DDAH1: variants seen among roughly 807,000 people sequenced by gnomAD.
DDAH1 encodes dimethylarginine dimethylaminohydrolase 1.
DDAH1 carries 19 observed loss-of-function variants against 28.8 expected under a neutral mutation model. That is an observed-to-expected ratio of 0.66 (90% CI 0.46 to 0.97). DDAH1 has a LOEUF of 0.97. Among genes scored for constraint, DDAH1 ranks in the 50% least tolerant of loss-of-function variants. The pLI is 0.00. For synonymous variants in DDAH1, 153 were observed against 154.4 expected (o/e 0.99, Z 0.07); for missense variants, 326 against 375.9 (o/e 0.87, Z 1.10).
rs528701077 is a variant in DDAH1, at chr1:85,532,719, C to T, written c.-122-36438G>A. Among the ~76,000 whole-genome samples, 28 of 152,206 alleles carry T rather than the reference C, an allele frequency of 1.8e-4. No homozygotes were observed. The South Asian group carries it at 2.1e-3, about 11-fold the overall frequency. ...TCCCTCTTTTAAGTGTCTTCTGCCA[C>T]TTTAGATGCTAACTCTGGGGTTCAC... On this transcript the variant is annotated intron_variant, in intron 1 of 6. Transcript: ENST00000426972.
chr1:85,517,696 A>G (rs1657519083), intron 1 of DDAH1, among the ~76,000 whole-genome samples: 6 of 152,080 alleles, frequency 3.9e-5, no homozygotes, highest in Admixed American at 3.9e-4. Context: ...TCACAAATAA[A>G]TATCTACACA....
intron 2 of DDAH1, among the ~76,000 whole-genome samples, chr1:85,492,796 A>G (rs1570605732): frequency 6.6e-6 from 1 of 152,306 alleles, no homozygotes; most frequent in East Asian, 1.9e-4. Context: ...ATTTTGTAGT[A>G]AAACCCTTAT....
chr1:85,332,694 C>T (rs1316580127), intron 4 of DDAH1, among the ~76,000 whole-genome samples: 5 of 152,188 alleles, frequency 3.3e-5, no homozygotes, highest in Non-Finnish European at 7.3e-5. Context: ...ATATGCATGC[C>T]ATCAGGGGGC....
chr1:85,431,658 C>A (rs1653694218), intron 1 of DDAH1, among the ~76,000 whole-genome samples: 1 of 152,086 alleles, frequency 6.6e-6, no homozygotes, highest in Admixed American at 6.6e-5. Context: ...CTTCCACATG[C>A]CTTCCCTTGT....
intron 1 of DDAH1, among the ~76,000 whole-genome samples, chr1:85,536,037 G>T (rs190560497): frequency 1.2e-4 from 19 of 152,104 alleles, no homozygotes; most frequent in Non-Finnish European, 1.9e-4. Context: ...AAGTTGGGCG[G>T]ATCACCTGAG....
At chr1:85,551,715 G>C (rs1658797750) in intron 1 of DDAH1, among the ~76,000 whole-genome samples, 1 of 152,218 alleles carries the variant, frequency 6.6e-6, no homozygotes, top group South Asian at 2.1e-4. Context: ...TGACAGAAGA[G>C]AGAACATCTT....
intron 1 of DDAH1, among the ~76,000 whole-genome samples, chr1:85,462,882 G>T (rs1655188657): frequency 6.6e-6 from 1 of 152,222 alleles, no homozygotes; most frequent in Non-Finnish European, 1.5e-5. Flanking sequence ...GTGTATAGCT[G>T]ACTTCTTATT....
chr1:85,559,259 G>A (rs1387831445), intron 1 of DDAH1, among the ~76,000 whole-genome samples: 4 of 152,158 alleles, frequency 2.6e-5, no homozygotes, highest in African/African-American at 7.2e-5. Context: ...TCACATCTTA[G>A]TAGTAGGACT....
chr1:85,396,124 T>G (rs1208675044), intron 1 of DDAH1, among the ~76,000 whole-genome samples: 1 of 152,170 alleles, frequency 6.6e-6, no homozygotes, highest in Non-Finnish European at 1.5e-5. Context: ...ATTCAAACAC[T>G]TGATCAAAAA....
chr1:85,347,478 A>G (rs1288923513), intron 4 of DDAH1, among the ~76,000 whole-genome samples: 1 of 152,196 alleles, frequency 6.6e-6, no homozygotes, highest in Non-Finnish European at 1.5e-5. Context: ...GACATGGATG[A>G]AGCTGGAAAC....
chr1:85,465,247 C>G (rs1199038618), upstream of DDAH1: 8 of 1,086,110 alleles, frequency 7.4e-6, no homozygotes, highest in Non-Finnish European at 7.8e-6. Context: ...GCGCGCATCC[C>G]GCGCGCCCAC....
intron 5 of DDAH1, among the ~76,000 whole-genome samples, chr1:85,324,179 G>C (rs1413284786): frequency 6.6e-6 from 1 of 151,742 alleles, no homozygotes; most frequent in African/African-American, 2.4e-5. Context: ...GCTGAGGTGG[G>C]AGGATCTCTT....
chr1:85,333,974 A>G lies in DDAH1; in HGVS notation c.598-9091T>C, dbSNP rs554677456. Among the ~76,000 whole-genome samples, 9 of 152,348 alleles carry G rather than the reference A, an allele frequency of 5.9e-5. No homozygotes were observed. The South Asian group carries it at 1.9e-3, about 32-fold the overall frequency. On this transcript the variant is annotated intron_variant, in intron 4 of 5. Transcript: ENST00000284031. ...ACAACCCCAAAAAAATCTTTTCCCC[A>G]GCATATTATAATCAAACAGTCTAAT...
chr1:85,540,444 C>T (rs193219287), intron 1 of DDAH1, among the ~76,000 whole-genome samples: 102 of 152,256 alleles, frequency 6.7e-4, no homozygotes, highest in Non-Finnish European at 1.2e-3. Flanking sequence ...ATTAAAATGA[C>T]CTCTTATTCC....
chr1:85,481,909 A>G (rs1656027063), intron 2 of DDAH1, among the ~76,000 whole-genome samples: 1 of 152,224 alleles, frequency 6.6e-6, no homozygotes, highest in Non-Finnish European at 1.5e-5. Flanking sequence ...CAGTCTGGCC[A>G]GCTTGGCCTA....
chr1:85,355,359 G>A lies in DDAH1; in HGVS notation c.403+3389C>T, dbSNP rs941347173. On this transcript the variant is annotated intron_variant, in intron 2 of 5. Transcript: ENST00000284031. ...GGAAATATTCCCTAATACATTCTAC[G>A]AGGCTAATGTAACTCTTTTATCAAA... 1.9e-4 allele frequency among the ~76,000 whole-genome samples: 29 copies of A among 152,038 alleles called. 1 individual carries two copies. Among genetic ancestry groups the A allele is most frequent in the Admixed American group, 1.5e-3 (23 of 15,262 alleles).
intron 1 of DDAH1, among the ~76,000 whole-genome samples, chr1:85,435,891 A>G (rs544441859): frequency 2.0e-5 from 3 of 152,150 alleles, no homozygotes; most frequent in Admixed American, 1.3e-4. Context: ...CCTGGGTTCA[A>G]GCAATTCTCG....
chr1:85,554,282 T>TG (rs1389206133), intron 1 of DDAH1, among the ~76,000 whole-genome samples: 1 of 149,668 alleles, frequency 6.7e-6, no homozygotes, highest in Non-Finnish European at 1.5e-5. Context: ...AAGAGTTTTT[T>TG]TTTTTTTTTT....
rs936626062 is a variant in DDAH1 at position 85,464,391 on chromosome 1, C to A, written c.303+352G>T. The A allele has an allele frequency of 3.6e-6, 4 of 1,105,188 alleles. No homozygotes were observed. The highest frequency in any genetic ancestry group is 4.4e-5 in the East Asian group (1 of 22,848). The allele number at this position is 1,105,188 out of a possible 1,614,324, so 68.5% of individuals were successfully genotyped here. On this transcript the variant is annotated intron_variant, in intron 1 of 5. Coordinates refer to ENST00000284031, the MANE Select transcript of DDAH1 (RefSeq NM_012137.4). The surrounding 1 kb of genome is among the most constrained non-coding windows in gnomAD (Gnocchi z 4.4). ...CCCGCCCTACCGGAGCGGCACCCCTCGCGGCCCTCGCTCCCTGGGAAACAC... is the reference window on the plus strand; with the variant it reads ...CCCGCCCTACCGGAGCGGCACCCCTAGCGGCCCTCGCTCCCTGGGAAACAC...
Sources: gnomAD v4.1 joint callset for allele counts (sites outside exome capture counted in the v4.1 genomes callset) on GRCh38, gnomAD v4.1.1 for gene constraint, Gnocchi (gnomAD v3.1) non-coding constraint, MANE v1.5 for transcripts, NCBI Gene and HGNC (gene_info 2026-07-23, HGNC 2026-07-21) for gene names.